Variants in CR1 observed in about 807,000 individuals in gnomAD.
The protein encoded by CR1 is complement receptor type 1.
Under a neutral mutation model 187.3 loss-of-function variants are expected in CR1, and 116 were observed. The observed-to-expected ratio is 0.62, with a 90% confidence interval of 0.53 to 0.72. The LOEUF (loss-of-function observed/expected upper bound fraction) is 0.72. Ranked by LOEUF, CR1 falls within the 30% of genes least tolerant of loss-of-function variation. The pLI, the probability that CR1 is intolerant of heterozygous loss-of-function variation, is 0.00. For synonymous variants in CR1, 576 were observed against 747.1 expected, an observed-to-expected ratio of 0.77 and a Z score of 3.73; for missense variants, 1,731 against 2,110.7, an observed-to-expected ratio of 0.82 and a Z score of 3.52.
chr1:207,516,355 A>C (rs1659808314), intron 4 of CR1, among the ~76,000 whole-genome samples: 1 of 152,184 alleles, frequency 6.6e-6, no homozygotes, highest in Non-Finnish European at 1.5e-5. Context: ...TCACTGGTTT[A>C]TTTGCCATAC....
chr1:207,520,449 T>C (rs986955225), intron 4 of CR1, among the ~76,000 whole-genome samples: 1 of 152,232 alleles, frequency 6.6e-6, no homozygotes, highest in African/African-American at 2.4e-5. Context: ...ATACCTTGGC[T>C]TGTAGATGCA....
chr1:207,587,421 A>T lies in CR1; in HGVS notation c.5566A>T (p.Ser1856Cys). 6.2e-7 allele frequency: 1 copy of T among 1,613,910 alleles called. No homozygotes were observed. The highest frequency in any genetic ancestry group is 8.5e-7 in the Non-Finnish European group (1 of 1,179,788). ...AACCCCAGAGCAGTTTCCATTTGCC[A>T]GTCCTACGATCCCAATTAATGACTT... is the stretch of plus-strand genomic sequence containing the variant. ...CKTPEQFPFA[S>C]PTIPINDFEF... The change falls in exon 34 of 47, where the codon AGT becomes TGT. Residue 1856 changes from serine to cysteine, a missense_variant. Transcript: ENST00000367049.
chr1:207,497,033 T>C (rs1659110030), intron 1 of CR1, among the ~76,000 whole-genome samples: 1 of 152,192 alleles, frequency 6.6e-6, no homozygotes, highest in Non-Finnish European at 1.5e-5. Flanking sequence ...CGCATGGAAC[T>C]GTCCTCGCCC....
At chr1:207,564,610 G>A (rs1001926208) in intron 23 of CR1, among the ~76,000 whole-genome samples, 28 of 150,038 alleles carry the variant, frequency 1.9e-4, no homozygotes, top group Non-Finnish European at 1.0e-4. Flanking sequence ...AGACCAGCCT[G>A]GACAACATGG....
intron 36 of CR1, among the ~76,000 whole-genome samples, chr1:207,608,078 C>A (rs1661804077): frequency 6.6e-6 from 1 of 152,134 alleles, no homozygotes; most frequent in African/African-American, 2.4e-5. Flanking sequence ...AGAAAATAAT[C>A]ATGAAATAGT....
intron 30 of CR1, 23 bp from the exon 31 acceptor site, chr1:207,580,488 T>C (rs978757947): frequency 1.5e-6 from 2 of 1,293,922 alleles, no homozygotes; most frequent in South Asian, 2.9e-5. Context: ...TATTTTTTCT[T>C]TTTTTTTTTT....
At chr1:207,576,920 A>G (rs1341640703) in intron 28 of CR1, among the ~76,000 whole-genome samples, 1 of 152,224 alleles carries the variant, frequency 6.6e-6, no homozygotes, top group African/African-American at 2.4e-5. Flanking sequence ...ATGGTGAGAT[A>G]ACATAGTTAA....
chr1:207,620,100 G>A (rs546315119), intron 43 of CR1, 35 bp downstream of exon 43: 90 of 1,584,176 alleles, frequency 5.7e-5, no homozygotes, highest in African/African-American at 2.4e-4. Flanking sequence ...GGATCTTCCC[G>A]GTCATGGTTA....
chr1:207,506,859 T>C (rs878970720), intron 3 of CR1, 46 bp downstream of exon 3: 3 of 1,467,918 alleles, frequency 2.0e-6, no homozygotes, highest in South Asian at 2.3e-5. Context: ...TCAAGAGTTC[T>C]AACACAGCCT....
At position 207,600,837 on chromosome 1, in the gene CR1, G is replaced by A. The variant is rs562276914; in HGVS notation, c.5811-6414G>A. ...AGGTTGAGGTTAGAATTAGAATATC[G>A]CCAGTCAGCTTCAACAACCTGTAAT... On this transcript the variant is annotated intron_variant, in intron 35 of 46. Transcript: ENST00000367049. 10 of 152,122 alleles carry A rather than the reference G, an allele frequency of 6.6e-5. No homozygotes were observed. The East Asian group carries it at 7.7e-4, about 12-fold the overall frequency. 9.4% of individuals were successfully genotyped at this position (152,122 alleles called of 1,614,324 possible). A position where few individuals can be genotyped will look rare whatever the true frequency, so the allele number is the denominator to read the frequency against.
intron 28 of CR1, among the ~76,000 whole-genome samples, chr1:207,577,265 C>A (rs57554137): frequency 0.34 from 50,256 of 146,852 alleles, 9,330 homozygotes; most frequent in South Asian, 0.62. Flanking sequence ...AACAAACAAA[C>A]AAAAAAAAAA....
chr1:207,523,629 C>A lies in CR1; in HGVS notation c.506C>A (p.Pro169His), dbSNP rs772945933. ...TTTCCAGGAATTCCTTGTGGGCTACCCCCCACCATCACCAATGGAGATTTC... is the reference window on the plus strand; with the variant it reads ...TTTCCAGGAATTCCTTGTGGGCTACACCCCACCATCACCAATGGAGATTTC... ...PICDRIPCGL[P>H]PTITNGDFIS... is the part of the protein sequence containing the mutation. The change falls in exon 5 of 47, where the codon CCC becomes CAC. Residue 169 changes from proline (P) to histidine (H), a missense_variant. Coordinates refer to ENST00000367049, the MANE Select transcript of CR1 (RefSeq NM_000651.6). The A allele has an allele frequency of 1.2e-6, 2 of 1,613,738 alleles. No homozygotes were observed. Among genetic ancestry groups the A allele is most frequent in the African/African-American group, 2.7e-5 (2 of 74,876 alleles).
At chr1:207,578,237 A>T (rs769506190) in intron 29 of CR1, 34 bp downstream of exon 29, 14 of 1,611,814 alleles carry the variant, frequency 8.7e-6, no homozygotes, top group Non-Finnish European at 7.6e-6. Flanking sequence ...GGGCCCTGCC[A>T]GTGACATGTG....
chr1:207,585,189 C>T (rs547254791), intron 33 of CR1, among the ~76,000 whole-genome samples: 4 of 152,108 alleles, frequency 2.6e-5, no homozygotes, highest in Non-Finnish European at 5.9e-5. Context: ...CTGGAGACGA[C>T]ATGAAAACAT....
At chr1:207,512,298 T>A (rs1659648919) in intron 4 of CR1, among the ~76,000 whole-genome samples, 1 of 152,124 alleles carries the variant, frequency 6.6e-6, no homozygotes, top group African/African-American at 2.4e-5. Flanking sequence ...AAGAATTCCC[T>A]AAGAAACATA....
At chr1:207,630,883 T>C (rs1662624456) in intron 46 of CR1, among the ~76,000 whole-genome samples, 2 of 152,204 alleles carry the variant, frequency 1.3e-5, no homozygotes, top group Non-Finnish European at 2.9e-5. Flanking sequence ...ATTTATGCTA[T>C]GAAACTTTGA....
chr1:207,580,729 C>A, intron 31 of CR1, 116 bp downstream of exon 31: 1 of 917,138 alleles, frequency 1.1e-6, no homozygotes, highest in Non-Finnish European at 1.7e-6. Flanking sequence ...GGGAGATTAA[C>A]CTCTGGAAGT....
chr1:207,609,418 G>A lies in CR1; in HGVS notation c.6025G>A (p.Glu2009Lys). ...HTGPDGEQLFELVGERSIYCT... is the reference protein window; with the variant it reads ...HTGPDGEQLFKLVGERSIYCT... Reference sequence around the variant, plus strand: ...TGGACCAGATGGAGAACAGCTGTTTGAGCTTGTGGGAGAACGGTCAATATA... The same window carrying A: ...TGGACCAGATGGAGAACAGCTGTTTAAGCTTGTGGGAGAACGGTCAATATA... Residue 2009 changes from glutamate (E) to lysine (K), a missense_variant, in exon 37 of 47, where the codon GAG (glutamate) becomes AAG (lysine). Physicochemically the swap from Glu to Lys is moderately conservative, Grantham distance 56. Coordinates refer to ENST00000367049, the MANE Select transcript of CR1 (RefSeq NM_000651.6). The A allele has an allele frequency of 6.2e-7, 1 of 1,614,032 alleles. No individual in the cohort carries two copies. The highest frequency in any genetic ancestry group is 8.5e-7 in the Non-Finnish European group (1 of 1,179,890).
At chr1:207,577,732 G>A in intron 28 of CR1, 73 bp from the exon 29 acceptor site, 2 of 1,587,286 alleles carry the variant, frequency 1.3e-6, no homozygotes, top group Non-Finnish European at 1.7e-6. Context: ...TTGTGCCACT[G>A]CACTCCAGCC....
Sources: gnomAD v4.1 joint callset for allele counts (sites outside exome capture counted in the v4.1 genomes callset) on GRCh38, gnomAD v4.1.1 for gene constraint, MANE v1.5 for transcripts, NCBI Gene and HGNC (gene_info 2026-07-23, HGNC 2026-07-21) for gene names.